ANKIB1: variants seen among roughly 807,000 people sequenced by gnomAD.
The protein encoded by ANKIB1 is ankyrin repeat and IBR domain-containing protein 1.
A neutral mutation model predicts 122.1 loss-of-function variants in ANKIB1; 43 were observed. That is an observed-to-expected ratio of 0.35 (90% CI 0.28 to 0.45). The LOEUF is 0.45. Ranked by LOEUF, ANKIB1 falls within the 20% of genes least tolerant of loss-of-function variation. ANKIB1 has a pLI of 1.00. For missense variants in ANKIB1, 992 were observed against 1,329.5 expected, an observed-to-expected ratio of 0.75 and a Z score of 3.95; for synonymous variants, 390 against 442.0, an observed-to-expected ratio of 0.88 and a Z score of 1.48.
chr7:92,351,905 G>C (rs1173161375), intron 8 of ANKIB1, among the ~76,000 whole-genome samples: 2 of 151,798 alleles, frequency 1.3e-5, no homozygotes, highest in Admixed American at 1.3e-4. Flanking sequence ...ATTTTTAGTA[G>C]AGATGGGGTT....
At chr7:92,306,664 C>T (rs1482604675) in intron 2 of ANKIB1, among the ~76,000 whole-genome samples, 2 of 152,102 alleles carry the variant, frequency 1.3e-5, no homozygotes, top group Non-Finnish European at 2.9e-5. Context: ...AATCACCTGG[C>T]ACCTTAATCT....
intron 10 of ANKIB1, among the ~76,000 whole-genome samples, chr7:92,365,039 C>G (rs1012679785): frequency 6.6e-6 from 1 of 152,112 alleles, no homozygotes; most frequent in African/African-American, 2.4e-5. Context: ...AGAAAAGATG[C>G]TAAGAAACTT....
chr7:92,349,444 G>A (rs1168159874), intron 7 of ANKIB1, among the ~76,000 whole-genome samples: 1 of 152,164 alleles, frequency 6.6e-6, no homozygotes, highest in Admixed American at 6.5e-5. Context: ...TGCTGTTGTT[G>A]TTGTTAAGTG....
chr7:92,383,697 G>A lies in ANKIB1; in HGVS notation c.1618-2812G>A, dbSNP rs62467847. Among the ~76,000 whole-genome samples the A allele has an allele frequency of 1.0e-2, 1,519 of 152,218 alleles. 9 individuals carry two copies. The highest frequency in any genetic ancestry group is 0.016 in the Non-Finnish European group (1,078 of 67,994). On this transcript the variant is annotated intron_variant, in intron 11 of 19. Coordinates refer to ENST00000265742, the MANE Select transcript of ANKIB1 (RefSeq NM_019004.2). ...CTTTGACAAAATTCAACAGCCCTTT[G>A]TGCTAAAAGCTCTCAATAGTCTAGG...
At chr7:92,347,565 A>T (rs1803566880) in intron 7 of ANKIB1, among the ~76,000 whole-genome samples, 1 of 152,170 alleles carries the variant, frequency 6.6e-6, no homozygotes, top group Admixed American at 6.5e-5. Context: ...GTGAGCTATG[A>T]TCACACCACT....
At chr7:92,334,853 T>C (rs1285331468) in intron 5 of ANKIB1, among the ~76,000 whole-genome samples, 3 of 152,114 alleles carry the variant, frequency 2.0e-5, no homozygotes, top group Admixed American at 2.0e-4. Flanking sequence ...ACCATTTTTT[T>C]CTTTTTGCTG....
chr7:92,265,009 T>C (rs762605933), intron 1 of ANKIB1, among the ~76,000 whole-genome samples: 5 of 152,234 alleles, frequency 3.3e-5, no homozygotes, highest in African/African-American at 4.8e-5. Context: ...ACAGTCTTGT[T>C]CTGCTGCCCA....
At position 92,379,883 on chromosome 7, in the gene ANKIB1, T is replaced by C. The variant is rs956651750; in HGVS notation, c.1618-6626T>C. ...CAGCTGAGGTACCTGGTTCATCTCATTGGGACTGGTCGGGAAGTGGGTGCA... is the reference window on the plus strand; with the variant it reads ...CAGCTGAGGTACCTGGTTCATCTCACTGGGACTGGTCGGGAAGTGGGTGCA... On this transcript the variant is annotated intron_variant, in intron 11 of 19. Transcript: ENST00000265742. Among the ~76,000 whole-genome samples, 9 of 152,102 alleles carry C rather than the reference T, an allele frequency of 5.9e-5. No individual in the cohort carries two copies. The South Asian group carries it at 1.0e-3, about 18-fold the overall frequency.
At position 92,327,858 on chromosome 7, in the gene ANKIB1, C is replaced by T; in HGVS notation, c.745C>T (p.Gln249Ter). Reference sequence around the variant, plus strand: ...TATTGTGGAAACTGCAGACATGCTTCAGGCTCCTCTCTTTACTGCTGAAGC... The same window carrying T: ...TATTGTGGAAACTGCAGACATGCTTTAGGCTCCTCTCTTTACTGCTGAAGC... ...MLIVETADML[Q>*]APLFTAEALL... is the part of the protein sequence containing the mutation. The change falls in exon 5 of 20, where the codon CAG becomes TAG. Residue 249 changes from glutamine (Q) to a stop codon, truncating the protein, a stop_gained. Transcript: ENST00000265742. LOFTEE classifies it high-confidence loss of function. The T allele has an allele frequency of 6.3e-7, 1 of 1,595,600 alleles. No individual in the cohort carries two copies. The highest frequency in any genetic ancestry group is 8.5e-7 in the Non-Finnish European group (1 of 1,174,674).
chr7:92,299,751 G>A (rs1239583795), intron 2 of ANKIB1, among the ~76,000 whole-genome samples: 2 of 151,894 alleles, frequency 1.3e-5, no homozygotes, highest in South Asian at 2.1e-4. Flanking sequence ...TATATAATGG[G>A]TTTATTTTTA....
intron 10 of ANKIB1, among the ~76,000 whole-genome samples, chr7:92,368,301 CTAGAT>C (rs1478689642): frequency 6.6e-6 from 1 of 150,632 alleles, no homozygotes; most frequent in Non-Finnish European, 1.5e-5. Flanking sequence ...CCTAAGCACA[CTAGAT>C]TATTAAGAAA....
intron 1 of ANKIB1, among the ~76,000 whole-genome samples, chr7:92,287,245 G>T (rs1026306432): frequency 1.3e-5 from 2 of 152,122 alleles, no homozygotes; most frequent in African/African-American, 4.8e-5. Flanking sequence ...TTCCATTAAT[G>T]TCATTTTATC....
chr7:92,322,400 A>G (rs1393551342), intron 4 of ANKIB1, among the ~76,000 whole-genome samples: 3 of 152,120 alleles, frequency 2.0e-5, no homozygotes, highest in Non-Finnish European at 4.4e-5. Flanking sequence ...TACAAGAAGA[A>G]TATTGAAGTA....
At chr7:92,334,553 G>A (rs1730767041) in intron 5 of ANKIB1, among the ~76,000 whole-genome samples, 1 of 151,422 alleles carries the variant, frequency 6.6e-6, no homozygotes, top group African/African-American at 2.4e-5. Flanking sequence ...AATAAATTAA[G>A]AGAAGAACAA....
intron 5 of ANKIB1, 141 bp downstream of exon 5, chr7:92,328,041 T>TA: frequency 1.7e-6 from 1 of 578,328 alleles, no homozygotes; most frequent in South Asian, 2.2e-5. Context: ...GTGCAGTTGT[T>TA]ACTTCTATAC....
chr7:92,291,144 A>C (rs531604867), intron 1 of ANKIB1, among the ~76,000 whole-genome samples: 2 of 152,250 alleles, frequency 1.3e-5, no homozygotes, highest in East Asian at 3.9e-4. Flanking sequence ...AAATACAAAA[A>C]TTAGAAGGTT....
chr7:92,361,992 G>T (rs1803958762), intron 9 of ANKIB1, among the ~76,000 whole-genome samples, 193 bp from the exon 10 acceptor site: 1 of 151,728 alleles, frequency 6.6e-6, no homozygotes, highest in Non-Finnish European at 1.5e-5. Flanking sequence ...TGTATTTTTA[G>T]TAGAGACGGG....
chr7:92,268,105 A>T lies in ANKIB1; in HGVS notation c.-91+21586A>T, dbSNP rs117658538. 2.5e-3 allele frequency among the ~76,000 whole-genome samples: 374 copies of T among 152,308 alleles called. 2 individuals are homozygous for T. The highest frequency in any genetic ancestry group is 4.6e-3 in the Non-Finnish European group (310 of 68,022). ...CTTTTGTTTTGTTTATGAGCTAAAG[A>T]TGGGTCCTGAGAAGATACGTCAAGA... On this transcript the variant is annotated intron_variant, in intron 1 of 19. Transcript: ENST00000265742.
At chr7:92,268,620 C>T (rs913382308) in intron 1 of ANKIB1, among the ~76,000 whole-genome samples, 1 of 152,104 alleles carries the variant, frequency 6.6e-6, no homozygotes, top group African/African-American at 2.4e-5. Flanking sequence ...GGATTAGAGG[C>T]ATGCACCAGC....
Sources: allele counts gnomAD v4.1 joint callset (sites outside exome capture counted in the v4.1 genomes callset), GRCh38; gene constraint gnomAD v4.1.1; transcripts MANE v1.5; gene names NCBI Gene and HGNC (gene_info 2026-07-23, HGNC 2026-07-21).